Variants in UBAC2 observed in about 807,000 individuals in gnomAD.
UBAC2 encodes UBA domain containing 2.
A neutral mutation model predicts 44.0 loss-of-function variants in UBAC2; 26 were observed. That is an observed-to-expected ratio of 0.59 (90% CI 0.43 to 0.82). The LOEUF is 0.82. Ranked by LOEUF, UBAC2 falls within the 40% of genes least tolerant of loss-of-function variation. The pLI is 0.00. For missense variants in UBAC2, 329 were observed against 419.4 expected, an observed-to-expected ratio of 0.78 and a Z score of 1.88; for synonymous variants, 155 against 154.3, an observed-to-expected ratio of 1.00 and a Z score of -0.04.
At chr13:99,375,765 G>C (rs2045471155) in intron 8 of UBAC2, among the ~76,000 whole-genome samples, 1 of 150,812 alleles carries the variant, frequency 6.6e-6, no homozygotes, top group South Asian at 2.1e-4. Context: ...ACCAAAGTGG[G>C]ATTTCATTTA....
intron 4 of UBAC2, among the ~76,000 whole-genome samples, chr13:99,247,873 C>CTT (rs10630757): frequency 0.095 from 14,101 of 148,738 alleles, 730 homozygotes; most frequent in East Asian, 0.13. Flanking sequence ...CTCTCTCTCT[C>CTT]TTTTTTTTTT....
intron 4 of UBAC2, among the ~76,000 whole-genome samples, chr13:99,291,148 G>A (rs1240783622): frequency 1.3e-5 from 2 of 152,190 alleles, no homozygotes; most frequent in Non-Finnish European, 2.9e-5. Flanking sequence ...TCAGCAAGAT[G>A]GGGATGATAG....
chr13:99,262,500 C>T (rs1313941666), intron 4 of UBAC2, among the ~76,000 whole-genome samples: 3 of 151,676 alleles, frequency 2.0e-5, no homozygotes, highest in Non-Finnish European at 2.9e-5. Flanking sequence ...GTCAGGAGTT[C>T]GAGACTAGCC....
intron 7 of UBAC2, chr13:99,356,021 T>C (rs2045175563): frequency 7.5e-6 from 3 of 397,806 alleles, no homozygotes; most frequent in South Asian, 3.8e-5. Flanking sequence ...TGAACCTGTT[T>C]GTAAAATTGT....
chr13:99,245,874 T>A (rs2043377450), intron 4 of UBAC2, among the ~76,000 whole-genome samples: 1 of 152,120 alleles, frequency 6.6e-6, no homozygotes, highest in Admixed American at 6.5e-5. Context: ...CATGTATTAG[T>A]GTGTGAAATA....
At chr13:99,250,466 T>C (rs541601167) in intron 4 of UBAC2, among the ~76,000 whole-genome samples, 1 of 152,320 alleles carries the variant, frequency 6.6e-6, no homozygotes, top group South Asian at 2.1e-4. Context: ...ACTGTAGCCT[T>C]ATAATCTGAA....
chr13:99,316,719 C>G (rs769126721), intron 5 of UBAC2, among the ~76,000 whole-genome samples: 15 of 152,208 alleles, frequency 9.9e-5, no homozygotes, highest in Non-Finnish European at 2.2e-4. Context: ...GAGGAAATTA[C>G]TTTTTCAATG....
At chr13:99,218,860 A>G (rs1017882160) in intron 1 of UBAC2, among the ~76,000 whole-genome samples, 2 of 152,194 alleles carry the variant, frequency 1.3e-5, no homozygotes, top group Non-Finnish European at 2.9e-5. Context: ...ACCGAATCTA[A>G]GTTTCATTAA....
intron 7 of UBAC2, among the ~76,000 whole-genome samples, chr13:99,342,281 C>T (rs1000028324): frequency 6.6e-6 from 1 of 152,178 alleles, no homozygotes; most frequent in African/African-American, 2.4e-5. Context: ...AAGTCCCATG[C>T]GTACGACCTC....
intron 6 of UBAC2, among the ~76,000 whole-genome samples, chr13:99,325,096 C>CT (rs2044620250): frequency 2.7e-5 from 3 of 112,226 alleles, no homozygotes; most frequent in Non-Finnish European, 5.4e-5. Flanking sequence ...AGTGTCTATG[C>CT]TCTTTTTTTT....
chr13:99,267,881 G>A (rs941645714), intron 4 of UBAC2, among the ~76,000 whole-genome samples: 2 of 152,190 alleles, frequency 1.3e-5, no homozygotes, highest in Non-Finnish European at 2.9e-5. Flanking sequence ...CTCAAAGAGC[G>A]CAGATGTTCA....
In UBAC2 at chr13:99,340,514, G is replaced by GCA; in HGVS notation, c.757_758dup (p.Gln253HisfsTer3). 1 of 1,614,192 alleles carries GCA rather than the reference G, an allele frequency of 6.2e-7. No individual in the cohort carries two copies. The highest frequency in any genetic ancestry group is 8.5e-7 in the Non-Finnish European group (1 of 1,180,038). On this transcript the variant is annotated frameshift_variant, in exon 7 of 9. Coordinates refer to ENST00000403766, the MANE Select transcript of UBAC2 (RefSeq NM_001144072.2). LOFTEE classifies it high-confidence loss of function. ...AGCAGAGAATGGAGCTGCTGGACCG[G>GCA]CAGCTGATGTTCTCTCAGTTTGCAC...
intron 4 of UBAC2, among the ~76,000 whole-genome samples, chr13:99,272,882 A>G (rs193037448): frequency 1.3e-5 from 2 of 151,840 alleles, no homozygotes; most frequent in African/African-American, 4.8e-5. Context: ...GTACATTGTG[A>G]GTCTGTGTGT....
In UBAC2 at chr13:99,368,713, G is replaced by GTGTA. The variant is rs763160138; in HGVS notation, c.927+810_927+811insATGT. 5.3e-3 allele frequency among the ~76,000 whole-genome samples: 811 copies of GTGTA among 152,140 alleles called. 6 individuals are homozygous for GTGTA. The highest frequency in any genetic ancestry group is 0.019 in the African/African-American group (772 of 41,482). On this transcript the variant is annotated intron_variant, in intron 8 of 8. Transcript: ENST00000403766. ...AGTGTGTGTGTGTGTGTGTGTGTGT[G>GTGTA]TGTGTGTGTGTGTACACATACCCTC...
At chr13:99,338,395 A>C (rs564190419) in intron 6 of UBAC2, among the ~76,000 whole-genome samples, 36 of 152,164 alleles carry the variant, frequency 2.4e-4, no homozygotes, top group Non-Finnish European at 4.0e-4. Context: ...TTTGTGTTGG[A>C]CCACATTGAA....
At chr13:99,381,600 GT>G (rs1277227046) in intron 8 of UBAC2, among the ~76,000 whole-genome samples, 1 of 152,206 alleles carries the variant, frequency 6.6e-6, no homozygotes, top group Admixed American at 6.5e-5. Flanking sequence ...TTTGGCCTGA[GT>G]TATCTCCACC....
chr13:99,255,458 C>T (rs149113944), intron 4 of UBAC2: 40 of 1,614,012 alleles, frequency 2.5e-5, no homozygotes, highest in Middle Eastern at 1.7e-4. Context: ...CACGCCAGCA[C>T]GGCTTTGCAC....
rs1244329821 is a variant in UBAC2 at position 99,367,866 on chromosome 13, C to A, written c.887C>A (p.Ser296Tyr). 1 of 1,613,966 alleles carries A rather than the reference C, an allele frequency of 6.2e-7. No homozygotes were observed. The highest frequency in any genetic ancestry group is 8.5e-7 in the Non-Finnish European group (1 of 1,179,862). ...QNVNYQGGRQ[S>Y]EPAAPPLEVS... ...GTAAACTATCAGGGCGGTCGGCAGT[C>A]TGAGCCAGCAGCGCCCCCTCTAGAA... The change falls in exon 8 of 9, where the codon TCT becomes TAT. Residue 296 changes from serine to tyrosine, a missense_variant. Ser to Tyr is a moderately radical substitution (Grantham distance 144, BLOSUM62 -2). Transcript: ENST00000403766.
intron 4 of UBAC2, among the ~76,000 whole-genome samples, chr13:99,273,353 G>A (rs1340900360): frequency 1.3e-5 from 2 of 152,128 alleles, no homozygotes; most frequent in Non-Finnish European, 2.9e-5. Context: ...GAGCACCCAG[G>A]ATAGAGAATC....
Sources: gnomAD v4.1 joint callset for allele counts (sites outside exome capture counted in the v4.1 genomes callset) on GRCh38, gnomAD v4.1.1 for gene constraint, MANE v1.5 for transcripts, NCBI Gene and HGNC (gene_info 2026-07-23, HGNC 2026-07-21) for gene names.